DOCK6: variants seen among roughly 807,000 people sequenced by gnomAD.
DOCK6 encodes the protein dedicator of cytokinesis protein 6.
A neutral mutation model predicts 230.3 loss-of-function variants in DOCK6; 167 were observed. That is an observed-to-expected ratio of 0.73 (90% confidence interval 0.64 to 0.82). The LOEUF is 0.82. DOCK6 is among the 40% of genes least tolerant of loss of function. The pLI is 0.00. For missense variants in DOCK6, 2,598 were observed against 2,825.8 expected, an observed-to-expected ratio of 0.92 and a Z score of 1.83; for synonymous variants, 1,148 against 1,185.0, an observed-to-expected ratio of 0.97 and a Z score of 0.64.
intron 1 of DOCK6, among the ~76,000 whole-genome samples, chr19:11,255,391 G>A (rs927777069): frequency 6.0e-5 from 9 of 149,472 alleles, no homozygotes; most frequent in Admixed American, 2.7e-4. Flanking sequence ...TGCAACCTTC[G>A]CCTCCCAGGC....
At chr19:11,229,646 G>A (rs191933224) in intron 22 of DOCK6, among the ~76,000 whole-genome samples, 30 of 152,106 alleles carry the variant, frequency 2.0e-4, no homozygotes, top group South Asian at 6.2e-4. Context: ...GGGAGTAGAC[G>A]GGGCAGTGGA....
intron 16 of DOCK6, 48 bp downstream of exon 16, chr19:11,237,997 C>T (rs772057403): frequency 3.7e-6 from 6 of 1,603,008 alleles, no homozygotes; most frequent in Admixed American, 3.4e-5. Flanking sequence ...GGGACATCCT[C>T]CTACCCCCAT....
rs1176165049 is a variant in DOCK6 at position 11,260,887 on chromosome 19, A to AAAAAAAAAAAAAAAGAG, written c.44+1509_44+1510insCTCTTTTTTTTTTTTTT. Among the ~76,000 whole-genome samples the AAAAAAAAAAAAAAAGAG allele has an allele frequency of 2.0e-5, 3 of 149,894 alleles. 1 individual carries two copies. The highest frequency in any genetic ancestry group is 7.3e-5 in the African/African-American group (3 of 40,910). On this transcript the variant is annotated intron_variant, in intron 1 of 47. Transcript: ENST00000294618. Reference sequence around the variant, plus strand: ...GACAGAGCGAGACTCTGTCTCAAAAAAAAAAAAAGAAAGAAAGAAAGAAAA... The same window carrying AAAAAAAAAAAAAAAGAG: ...GACAGAGCGAGACTCTGTCTCAAAAAAAAAAAAAAAAAAAGAGAAAAAAAAGAAAGAAAGAAAGAAAA...
chr19:11,205,457 C>T (rs1156473657), intron 39 of DOCK6, among the ~76,000 whole-genome samples: 2 of 152,150 alleles, frequency 1.3e-5, no homozygotes, highest in African/African-American at 2.4e-5. Context: ...ATTCTCCTGC[C>T]TCATCCTACT....
At chr19:11,216,401 ATTTCT>A (rs145952466) in intron 30 of DOCK6, among the ~76,000 whole-genome samples, 3,558 of 147,390 alleles carry the variant, frequency 0.024, 132 homozygotes, top group African/African-American at 0.084. Flanking sequence ...TTTTAAAAAA[ATTTCT>A]TTTCTTCTTT....
Position 11,207,698 on chromosome 19 carries a change from C to T in DOCK6, c.5088+988G>A, listed in dbSNP as rs930505240. 2.4e-4 allele frequency among the ~76,000 whole-genome samples: 36 copies of T among 151,358 alleles called. 3 individuals are homozygous for T. The South Asian group carries it at 7.3e-3, about 31-fold the overall frequency. ...ATCCCATGACTTTGGGAGTTTGAAG[C>T]GGGCAGATCACTTGAGCTCAGGAGT... On this transcript the variant is annotated intron_variant, in intron 39 of 47. Coordinates refer to ENST00000294618, the MANE Select transcript of DOCK6 (RefSeq NM_020812.4).
chr19:11,252,327 A>C (rs1345407718), intron 4 of DOCK6, 79 bp from the exon 5 acceptor site: 2 of 1,565,120 alleles, frequency 1.3e-6, no homozygotes, highest in Non-Finnish European at 1.7e-6. Context: ...ACACACCTAC[A>C]TGGCACCTTC....
At chr19:11,227,258 G>T in intron 24 of DOCK6, 79 bp downstream of exon 24, 3 of 1,565,024 alleles carry the variant, frequency 1.9e-6, no homozygotes, top group Non-Finnish European at 2.6e-6. Flanking sequence ...GAGACACTGG[G>T]CAGGATTGGC....
chr19:11,202,642 T>A lies in DOCK6; in HGVS notation c.5303A>T (p.Glu1768Val), dbSNP rs1355448435. ...GAHFGDLDEQ[E>V]FVYKEPSITK... ...GATCGATGGCTCCTTGTACACAAAC[T>A]CCTGCTCATCCAGGTCACCGAAGTG... The change falls in exon 42 of 48, where the codon GAG (glutamate) becomes GTG (valine). Residue 1768 changes from glutamate (E) to valine (V), a missense_variant. Transcript: ENST00000294618. This position sits in a 1 kb window ranked among gnomAD's most constrained non-coding sequence, Gnocchi z 5.3. 1 of 1,613,810 alleles carries A rather than the reference T, an allele frequency of 6.2e-7. No individual in the cohort carries two copies. Among genetic ancestry groups the A allele is most frequent in the Non-Finnish European group, 8.5e-7 (1 of 1,179,886 alleles).
At position 11,231,345 on chromosome 19, in the gene DOCK6, A is replaced by G. The variant is rs1424926521; in HGVS notation, c.2718+1858T>C. 2.0e-5 allele frequency among the ~76,000 whole-genome samples: 3 copies of G among 151,100 alleles called. No homozygotes were observed. The East Asian group carries it at 5.8e-4, about 29-fold the overall frequency. On this transcript the variant is annotated intron_variant, in intron 22 of 47. Coordinates refer to ENST00000294618, the MANE Select transcript of DOCK6 (RefSeq NM_020812.4). The stretch of plus-strand genomic sequence containing the variant: ...CTTACCCTTCGGGTCCCAGCAAAAG[A>G]TGTCACTCCCCTGGAGAAGCCCCCA...
At position 11,252,159 on chromosome 19, in the gene DOCK6, TG is replaced by T; in HGVS notation, c.466del (p.Gln156ArgfsTer39). 4 of 1,588,046 alleles carry T rather than the reference TG, an allele frequency of 2.5e-6. No homozygotes were observed. The South Asian group carries it at 4.6e-5, about 18-fold the overall frequency. ...GGACCTCTCGTCTCCAGAAGCATCC[TG>T]CTCAAAGACCTGGCGGGGGAGGCCC... ...QKGLPRQVFE[Q>X]DASGDERSGP... On this transcript the variant is annotated frameshift_variant, in exon 5 of 48. Transcript: ENST00000294618. LOFTEE classifies it high-confidence loss of function.
rs992167495 is a variant in DOCK6, at chr19:11,230,255, C to T, written c.2719-1220G>A. Among the ~76,000 whole-genome samples the T allele has an allele frequency of 4.6e-5, 7 of 152,066 alleles. No homozygotes were observed. In the South Asian group the frequency reaches 8.3e-4, roughly 18 times the overall value. On this transcript the variant is annotated intron_variant, in intron 22 of 47. Transcript: ENST00000294618. The stretch of plus-strand genomic sequence containing the variant: ...TTGGGAGGCTGAGGCAGGAGAATCG[C>T]TTGAACCTGGGAGGCAGAGCCTGCA...
intron 1 of DOCK6, among the ~76,000 whole-genome samples, chr19:11,254,244 G>C (rs1475146372): frequency 6.6e-6 from 1 of 152,246 alleles, no homozygotes; most frequent in African/African-American, 2.4e-5. Context: ...CCTGGGGCCT[G>C]GCCTGAAGTC....
At chr19:11,224,277 C>T (rs1020182234) in intron 24 of DOCK6, among the ~76,000 whole-genome samples, 1 of 149,216 alleles carries the variant, frequency 6.7e-6, no homozygotes, top group African/African-American at 2.5e-5. Context: ...ATGGCGCGAT[C>T]TCGGCTCACT....
intron 2 of DOCK6, 102 bp from the exon 3 acceptor site, chr19:11,253,060 G>A: frequency 8.4e-7 from 1 of 1,186,094 alleles, no homozygotes. Context: ...CAAATAGGAG[G>A]GCGGTGGGAG....
chr19:11,243,887 G>T lies in DOCK6; in HGVS notation c.1024-5C>A, dbSNP rs1392506631. 2 of 1,605,000 alleles carry T rather than the reference G, an allele frequency of 1.2e-6. No homozygotes were observed. The highest frequency in any genetic ancestry group is 1.7e-6 in the Non-Finnish European group (2 of 1,176,034). ...TTGCTGAAGCACCTTCTCCAACTGC[G>T]GGGCAGATGAATGAATCCAGTGAGG... is the stretch of plus-strand genomic sequence containing the variant. On this transcript the variant is annotated splice_region_variant and splice_polypyrimidine_tract_variant and intron_variant, in intron 9 of 47. Transcript: ENST00000294618. This position sits in a 1 kb window ranked among gnomAD's most constrained non-coding sequence, Gnocchi z 6.3.
chr19:11,214,740 C>T (rs940681050), intron 32 of DOCK6, 91 bp from the exon 33 acceptor site: 7 of 1,170,264 alleles, frequency 6.0e-6, no homozygotes, highest in South Asian at 2.7e-5. Context: ...GCCCAGGGGG[C>T]ACTGGCTCCC....
chr19:11,213,347 A>T lies in DOCK6; in HGVS notation c.4339-19T>A. On this transcript the variant is annotated intron_variant, in intron 34 of 47. Coordinates refer to ENST00000294618, the MANE Select transcript of DOCK6 (RefSeq NM_020812.4). The stretch of plus-strand genomic sequence containing the variant: ...CCGGGAACTGCCCCCAAGGACCCAG[A>T]CAGACACTGTCCAGCCCCTCCCCGT... 6.2e-7 allele frequency: 1 copy of T among 1,606,424 alleles called. No homozygotes were observed. The highest frequency in any genetic ancestry group is 8.5e-7 in the Non-Finnish European group (1 of 1,177,722).
intron 1 of DOCK6, among the ~76,000 whole-genome samples, chr19:11,258,758 T>C (rs1038271289): frequency 2.2e-5 from 2 of 90,258 alleles, no homozygotes; most frequent in African/African-American, 9.1e-5. Context: ...AACTTTTCTT[T>C]CTCTCTCTTT....
Sources: allele counts gnomAD v4.1 joint callset (sites outside exome capture counted in the v4.1 genomes callset), GRCh38; gene constraint gnomAD v4.1.1; non-coding constraint Gnocchi (gnomAD v3.1); transcripts MANE v1.5; gene names NCBI Gene and HGNC (gene_info 2026-07-23, HGNC 2026-07-21).